ZNF282: variants seen among roughly 807,000 people sequenced by gnomAD.
ZNF282 encodes HTLV-I U5 repressive element-binding protein 1.
A neutral mutation model predicts 61.9 loss-of-function variants in ZNF282; 30 were observed. The observed-to-expected ratio is 0.48, with a 90% CI of 0.36 to 0.66. The LOEUF (loss-of-function observed/expected upper bound fraction) is 0.66. Ranked by LOEUF, ZNF282 falls within the 30% of genes least tolerant of loss-of-function variation. The probability of loss-of-function intolerance (pLI) is 0.00; values close to 1 mark genes in which losing one functional copy is unlikely to be tolerated. For missense variants in ZNF282, 788 were observed against 941.4 expected, an observed-to-expected ratio of 0.84 and a Z score of 2.13; for synonymous variants, 396 against 405.0, an observed-to-expected ratio of 0.98 and a Z score of 0.27.
chr7:149,204,265 A>T (rs956057923), intron 2 of ZNF282, among the ~76,000 whole-genome samples: 1 of 152,200 alleles, frequency 6.6e-6, no homozygotes, highest in East Asian at 1.9e-4. Flanking sequence ...AAGAGGTCAG[A>T]ATTGTTGAGG....
In ZNF282 at chr7:149,224,910, ACCT is replaced by A. The variant is rs1244883981; in HGVS notation, c.*268_*270del. The A allele has an allele frequency of 1.1e-5, 6 of 536,672 alleles. No homozygotes were observed. The highest frequency in any genetic ancestry group is 3.4e-5 in the East Asian group (1 of 29,206). The allele number at this position is 536,672 out of a possible 1,614,324, so 33.2% of individuals were successfully genotyped here. Reference sequence around the variant, plus strand: ...GAGCGTCCTCGGGCACCGCCCTCACACCTCCTCGAGTGCCCTGGGACCACTGGG... The same window carrying A: ...GAGCGTCCTCGGGCACCGCCCTCACACCTCGAGTGCCCTGGGACCACTGGG... On this transcript the variant is annotated 3_prime_UTR_variant, in exon 8 of 8. Coordinates refer to ENST00000610704, the MANE Select transcript of ZNF282 (RefSeq NM_003575.4).
intron 7 of ZNF282, among the ~76,000 whole-genome samples, chr7:149,220,558 G>A (rs570194813): frequency 6.6e-6 from 1 of 152,298 alleles, no homozygotes; most frequent in South Asian, 2.1e-4. Flanking sequence ...ACCATCCTCG[G>A]TGTGGCTTCA....
intron 1 of ZNF282, among the ~76,000 whole-genome samples, chr7:149,197,915 G>C (rs1335001011): frequency 2.0e-5 from 3 of 152,262 alleles, no homozygotes; most frequent in South Asian, 2.1e-4. Flanking sequence ...AACCTGCTGA[G>C]AGATTGCTGG....
chr7:149,215,121 G>A (rs1472970560), intron 7 of ZNF282, among the ~76,000 whole-genome samples: 1 of 151,336 alleles, frequency 6.6e-6, no homozygotes, highest in East Asian at 1.9e-4. Context: ...CAACATGGCT[G>A]ACCTAGTGTC....
intron 7 of ZNF282, among the ~76,000 whole-genome samples, chr7:149,221,009 T>G (rs1043756034): frequency 6.7e-6 from 1 of 149,358 alleles, no homozygotes; most frequent in Admixed American, 6.7e-5. Flanking sequence ...AGCCTCGACC[T>G]CTCAGGTTTA....
At chr7:149,202,577 GTGC>G (rs1341869591) in intron 2 of ZNF282, among the ~76,000 whole-genome samples, 2 of 152,144 alleles carry the variant, frequency 1.3e-5, no homozygotes, top group East Asian at 3.9e-4. Context: ...GCTTCCCAGA[GTGC>G]TGGGATTACA....
At chr7:149,204,232 T>C (rs1795958555) in intron 2 of ZNF282, among the ~76,000 whole-genome samples, 1 of 152,176 alleles carries the variant, frequency 6.6e-6, no homozygotes, top group Admixed American at 6.5e-5. Context: ...GATAAAATTC[T>C]AGAAAGATGA....
At position 149,206,630 on chromosome 7, in the gene ZNF282, CA is replaced by C. The variant is rs1585564657; in HGVS notation, c.586-65del. 2.5e-6 allele frequency: 4 copies of C among 1,605,112 alleles called. No individual in the cohort carries two copies. The East Asian group carries it at 8.9e-5, about 36-fold the overall frequency. ...GGTGGGGAGTGGGTCTTGTGGCCCG[CA>C]GGAGAAGGGGAGGTGGTGGGGAGGA... On this transcript the variant is annotated intron_variant, in intron 2 of 7. Coordinates refer to ENST00000610704, the MANE Select transcript of ZNF282 (RefSeq NM_003575.4).
chr7:149,195,549 C>T lies in ZNF282; in HGVS notation c.-41C>T, dbSNP rs1230076594. On this transcript the variant is annotated 5_prime_UTR_variant, in exon 1 of 8. Transcript: ENST00000610704. Reference sequence around the variant, plus strand: ...GGGAAGGCGCCTGGAAAACGTTCTTCTTCTCCCTGGCCGACCCGAGCGGGG... The same window carrying T: ...GGGAAGGCGCCTGGAAAACGTTCTTTTTCTCCCTGGCCGACCCGAGCGGGG... 6.9e-6 allele frequency: 11 copies of T among 1,599,906 alleles called. No homozygotes were observed. The highest frequency in any genetic ancestry group is 9.4e-6 in the Non-Finnish European group (11 of 1,174,872).
At chr7:149,217,867 G>A (rs574582583) in intron 7 of ZNF282, among the ~76,000 whole-genome samples, 27 of 152,236 alleles carry the variant, frequency 1.8e-4, no homozygotes, top group Admixed American at 7.8e-4. Context: ...AGGCTTTGGG[G>A]AGGAGGATGG....
intron 4 of ZNF282, among the ~76,000 whole-genome samples, chr7:149,210,139 T>C (rs1796060319): frequency 6.6e-6 from 1 of 152,052 alleles, no homozygotes; most frequent in Admixed American, 6.5e-5. Flanking sequence ...TATACACGTG[T>C]GTGTGCATCT....
intron 4 of ZNF282, 121 bp downstream of exon 4, chr7:149,207,591 G>A (rs1796016992): frequency 1.4e-6 from 2 of 1,419,906 alleles, no homozygotes; most frequent in East Asian, 2.5e-5. Context: ...GTCTTGGGTG[G>A]CTCCCAGGGG....
chr7:149,220,925 T>TTTG (rs1264170679), intron 7 of ZNF282, among the ~76,000 whole-genome samples: 85 of 47,782 alleles, frequency 1.8e-3, no homozygotes, highest in African/African-American at 4.5e-3. Flanking sequence ...GGGTTTTTTT[T>TTTG]TTTTTTTTTT....
intron 4 of ZNF282, among the ~76,000 whole-genome samples, chr7:149,207,749 C>T (rs1174846761): frequency 3.3e-5 from 5 of 152,260 alleles, no homozygotes; most frequent in Non-Finnish European, 5.9e-5. Context: ...CGAGGAAGGG[C>T]TTAGGCTTAC....
rs1796341654 is a variant in ZNF282 at position 149,224,855 on chromosome 7, G to A, written c.*208G>A. ...CTCATCTAGGGTGGACCCAGCTGCT[G>A]GGGAAGAGCCAGGGGGACCGCGAGG... is the stretch of plus-strand genomic sequence containing the variant. On this transcript the variant is annotated 3_prime_UTR_variant, in exon 8 of 8. Transcript: ENST00000610704. 6 of 965,364 alleles carry A rather than the reference G, an allele frequency of 6.2e-6. No homozygotes were observed. The highest frequency in any genetic ancestry group is 6.1e-5 in the Admixed American group (2 of 32,840). The allele number at this position is 965,364 out of a possible 1,614,324, so 59.8% of individuals were successfully genotyped here. A position where few individuals can be genotyped will look rare whatever the true frequency, so the allele number is the denominator to read the frequency against.
rs866606431 is a variant in ZNF282 at position 149,210,808 on chromosome 7, G to C, written c.952+104G>C. 11 of 1,423,240 alleles carry C rather than the reference G, an allele frequency of 7.7e-6. No individual in the cohort carries two copies. In the Middle Eastern group the frequency reaches 1.1e-3, roughly 142 times the overall value. The allele number at this position is 1,423,240 out of a possible 1,614,324, so 88.2% of individuals were successfully genotyped here. On this transcript the variant is annotated intron_variant, in intron 5 of 7. Coordinates refer to ENST00000610704, the MANE Select transcript of ZNF282 (RefSeq NM_003575.4). ...GTTAGCTGTCACATGTGCCAGGCCA[G>C]AGGGCTGAGCTCGAAATGGAAGGGC...
At chr7:149,213,043 G>A (rs532315299) in intron 6 of ZNF282, among the ~76,000 whole-genome samples, 32 of 152,276 alleles carry the variant, frequency 2.1e-4, no homozygotes, top group Admixed American at 5.2e-4. Context: ...GGCATTCAGG[G>A]AGGCATAAAA....
intron 7 of ZNF282, among the ~76,000 whole-genome samples, chr7:149,214,818 G>A (rs1426698525): frequency 1.3e-5 from 2 of 152,128 alleles, no homozygotes; most frequent in African/African-American, 4.8e-5. Context: ...GGGCGAGAGC[G>A]AGATCCTGTC....
At position 149,195,763 on chromosome 7, in the gene ZNF282, A is replaced by G; in HGVS notation, c.165+9A>G. The G allele has an allele frequency of 1.3e-6, 2 of 1,488,922 alleles. No individual in the cohort carries two copies. The highest frequency in any genetic ancestry group is 1.8e-6 in the Non-Finnish European group (2 of 1,122,592). 92.2% of individuals were successfully genotyped at this position (1,488,922 alleles called of 1,614,324 possible). ...GAATGCCGCCCATGCAGGTGGGAGAACCCCGCCGGCGCCATGGCCGCGCTG... is the reference window on the plus strand; with the variant it reads ...GAATGCCGCCCATGCAGGTGGGAGAGCCCCGCCGGCGCCATGGCCGCGCTG... On this transcript the variant is annotated intron_variant, in intron 1 of 7. Coordinates refer to ENST00000610704, the MANE Select transcript of ZNF282 (RefSeq NM_003575.4).
Sources: allele counts gnomAD v4.1 joint callset (sites outside exome capture counted in the v4.1 genomes callset), GRCh38; gene constraint gnomAD v4.1.1; transcripts MANE v1.5; gene names NCBI Gene and HGNC (gene_info 2026-07-23, HGNC 2026-07-21).